CACNA1A: variants seen among roughly 807,000 people sequenced by gnomAD.
CACNA1A encodes voltage-dependent P/Q-type calcium channel subunit alpha-1A.
A neutral mutation model predicts 262.4 loss-of-function variants in CACNA1A; 57 were observed. The ratio of observed to expected loss-of-function variants is 0.22; its 90% confidence interval spans 0.18 to 0.27. The LOEUF (loss-of-function observed/expected upper bound fraction) is 0.27. CACNA1A is among the 10% of genes least tolerant of loss of function. The probability of loss-of-function intolerance (pLI) is 1.00; values close to 1 mark genes in which losing one functional copy is unlikely to be tolerated. For missense variants in CACNA1A, 2,526 were observed against 3,562.8 expected (o/e 0.71, Z 7.41); for synonymous variants, 1,431 against 1,419.3 (o/e 1.01, Z -0.18).
intron 9 of CACNA1A, 97 bp from the exon 10 acceptor site, chr19:13,330,430 C>G: frequency 3.5e-6 from 3 of 860,028 alleles, no homozygotes; most frequent in Admixed American, 4.0e-5. Context: ...ACTCTCACGG[C>G]AACTGTTCTC....
chr19:13,393,979 A>G (rs1878312325), intron 3 of CACNA1A, among the ~76,000 whole-genome samples: 1 of 152,060 alleles, frequency 6.6e-6, no homozygotes, highest in African/African-American at 2.4e-5. Flanking sequence ...CGCTGGTTAC[A>G]TGACTGGGCT....
intron 1 of CACNA1A, among the ~76,000 whole-genome samples, chr19:13,456,411 G>C (rs866543283): frequency 6.6e-6 from 1 of 152,114 alleles, no homozygotes; most frequent in Admixed American, 6.5e-5. Context: ...GGTGGCTCAC[G>C]CCTGTAATCC....
chr19:13,373,805 A>G (rs554705306), intron 3 of CACNA1A, among the ~76,000 whole-genome samples: 1 of 152,334 alleles, frequency 6.6e-6, no homozygotes, highest in South Asian at 2.1e-4. Context: ...ACCATCCACA[A>G]GTGGGCGTCT....
At chr19:13,410,657 T>C (rs1480401305) in intron 3 of CACNA1A, among the ~76,000 whole-genome samples, 1 of 151,712 alleles carries the variant, frequency 6.6e-6, no homozygotes, top group Non-Finnish European at 1.5e-5. Context: ...AAAGAGCTAG[T>C]AGTAATCCTT....
At chr19:13,427,170 G>A (rs921716893) in intron 3 of CACNA1A, among the ~76,000 whole-genome samples, 3 of 152,056 alleles carry the variant, frequency 2.0e-5, no homozygotes, top group African/African-American at 7.2e-5. Context: ...GTCCCCCCCA[G>A]GGCATGCGTG....
Position 13,252,967 on chromosome 19 carries a change from C to A in CACNA1A, c.4866+24G>T, listed in dbSNP as rs201617627. 9 of 1,491,872 alleles carry A rather than the reference C, an allele frequency of 6.0e-6. No individual in the cohort carries two copies. The African/African-American group carries it at 1.2e-4, about 21-fold the overall frequency. 92.4% of individuals were successfully genotyped at this position (1,491,872 alleles called of 1,614,324 possible). On this transcript the variant is annotated intron_variant, in intron 30 of 46. Transcript: ENST00000360228. ...CCTTGGGCTTCTCCCAAGCCCATAG[C>A]TGTAGCCCCAAGGTGGTACTTACCA... is the stretch of plus-strand genomic sequence containing the variant.
intron 1 of CACNA1A, among the ~76,000 whole-genome samples, chr19:13,462,946 G>C (rs753435217): frequency 2.6e-5 from 4 of 151,978 alleles, no homozygotes; most frequent in African/African-American, 4.8e-5. Flanking sequence ...TTTTTGTAGA[G>C]ATGAGGGTCT....
intron 3 of CACNA1A, among the ~76,000 whole-genome samples, chr19:13,427,191 C>T (rs1373173763): frequency 6.6e-6 from 1 of 152,090 alleles, no homozygotes; most frequent in African/African-American, 2.4e-5. Context: ...GTGGCTCAGG[C>T]CTGTATTCCT....
chr19:13,405,026 G>A (rs1040979014), intron 3 of CACNA1A, among the ~76,000 whole-genome samples: 12 of 150,626 alleles, frequency 8.0e-5, no homozygotes. Flanking sequence ...CCTCCTGAGT[G>A]GCTGGGATTA....
At chr19:13,301,670 ACAAAGAAAAAG>A (rs2057792509) in intron 17 of CACNA1A, among the ~76,000 whole-genome samples, 2 of 152,382 alleles carry the variant, frequency 1.3e-5, no homozygotes, top group African/African-American at 4.8e-5. Flanking sequence ...AGAAAAGCCA[ACAAAGAAAAAG>A]CAAAGAAAAG....
rs1376986137 is a variant in CACNA1A at position 13,241,350 on chromosome 19, G to A, written c.4950+3832C>T. Among the ~76,000 whole-genome samples, 1 of 152,172 alleles carries A rather than the reference G, an allele frequency of 6.6e-6. No homozygotes were observed. The highest frequency in any genetic ancestry group is 1.5e-5 in the Non-Finnish European group (1 of 68,026). On this transcript the variant is annotated intron_variant, in intron 31 of 46. Coordinates refer to ENST00000360228, the MANE Select transcript of CACNA1A (RefSeq NM_001127222.2). The surrounding 1 kb of genome is among the most constrained non-coding windows in gnomAD (Gnocchi z 4.0). ...GAGACAGAGTCTACAGGAAGTGGGA[G>A]GCACAGGGGCTGGGGGCGGGAGGAC...
intron 24 of CACNA1A, among the ~76,000 whole-genome samples, chr19:13,271,022 T>C (rs1568481161): frequency 1.3e-5 from 2 of 152,122 alleles, no homozygotes; most frequent in South Asian, 2.1e-4. Flanking sequence ...TCAAAATGGA[T>C]TTTCAAGAGT....
At chr19:13,393,944 G>A (rs1192258361) in intron 3 of CACNA1A, among the ~76,000 whole-genome samples, 1 of 151,768 alleles carries the variant, frequency 6.6e-6, no homozygotes, top group Admixed American at 6.6e-5. Flanking sequence ...GCCTCACTCG[G>A]CTATGTTCTG....
intron 1 of CACNA1A, among the ~76,000 whole-genome samples, chr19:13,497,573 T>A (rs186909415): frequency 0.011 from 397 of 35,596 alleles, 64 homozygotes; most frequent in African/African-American, 0.034. Flanking sequence ...TATATATATA[T>A]ATATATAAAT....
intron 38 of CACNA1A, among the ~76,000 whole-genome samples, chr19:13,221,320 G>A (rs1477599384): frequency 7.5e-6 from 1 of 133,300 alleles, no homozygotes; most frequent in Non-Finnish European, 1.6e-5. Context: ...TGCAACCTCT[G>A]CCTCCCAGGT....
At chr19:13,467,730 G>A (rs985244442) in intron 1 of CACNA1A, among the ~76,000 whole-genome samples, 4 of 151,048 alleles carry the variant, frequency 2.6e-5, no homozygotes, top group Non-Finnish European at 4.4e-5. Flanking sequence ...TCATCCTCCC[G>A]AGTAGCTGGG....
intron 35 of CACNA1A, 134 bp downstream of exon 35, chr19:13,231,576 G>T: frequency 1.1e-6 from 1 of 895,078 alleles, no homozygotes; most frequent in Non-Finnish European, 1.7e-6. Flanking sequence ...AGGGTCACCT[G>T]ATCCCAGGCT....
At position 13,295,495 on chromosome 19, in the gene CACNA1A, CT is replaced by C. The variant is rs199565067; in HGVS notation, c.3089+3048del. Among the ~76,000 whole-genome samples, 592 of 140,830 alleles carry C rather than the reference CT, an allele frequency of 4.2e-3. 1 individual carries two copies. Among genetic ancestry groups the C allele is most frequent in the African/African-American group, 5.8e-3 (220 of 38,182 alleles). The allele number at this position is 140,830 out of a possible 152,430, so 92.4% of individuals were successfully genotyped here. A position where few individuals can be genotyped will look rare whatever the true frequency, so the allele number is the denominator to read the frequency against. On this transcript the variant is annotated intron_variant, in intron 19 of 46. Coordinates refer to ENST00000360228, the MANE Select transcript of CACNA1A (RefSeq NM_001127222.2). The stretch of plus-strand genomic sequence containing the variant: ...GTTTGGGTTTTTTCTTTCTTTCTTT[CT>C]TTTTTTTTTTTTTGAGACAAGGACT...
At chr19:13,269,296 C>G (rs888706205) in intron 24 of CACNA1A, among the ~76,000 whole-genome samples, 2 of 152,212 alleles carry the variant, frequency 1.3e-5, no homozygotes, top group African/African-American at 4.8e-5. Flanking sequence ...GACCATTTTC[C>G]AGATGAGGAA....
Sources: gnomAD v4.1 joint callset for allele counts (sites outside exome capture counted in the v4.1 genomes callset) on GRCh38, gnomAD v4.1.1 for gene constraint, Gnocchi (gnomAD v3.1) non-coding constraint, MANE v1.5 for transcripts, NCBI Gene and HGNC (gene_info 2026-07-23, HGNC 2026-07-21) for gene names.